Variants in REEP3 observed in about 807,000 individuals in gnomAD.
REEP3 encodes the protein receptor expression-enhancing protein 3.
In REEP3, 20 loss-of-function variants were observed where a neutral mutation model predicts 41.3. The observed-to-expected ratio is 0.48, with a 90% CI of 0.34 to 0.70. The LOEUF (loss-of-function observed/expected upper bound fraction) is 0.70. Ranked by LOEUF, REEP3 falls within the 30% of genes least tolerant of loss-of-function variation. The pLI is 0.01. For missense variants in REEP3, 271 were observed against 308.8 expected, an observed-to-expected ratio of 0.88 and a Z score of 0.92; for synonymous variants, 104 against 101.8, an observed-to-expected ratio of 1.02 and a Z score of -0.13.
At chr10:63,555,519 A>AG (rs1353168989) in intron 1 of REEP3, among the ~76,000 whole-genome samples, 1 of 152,200 alleles carries the variant, frequency 6.6e-6, no homozygotes, top group African/African-American at 2.4e-5. Context: ...GAATATACAC[A>AG]GGTACCTTGG....
intron 1 of REEP3, among the ~76,000 whole-genome samples, chr10:63,542,898 G>T (rs748498294): frequency 6.6e-6 from 1 of 152,174 alleles, no homozygotes; most frequent in Non-Finnish European, 1.5e-5. Context: ...CTCTGGGCAC[G>T]TTCAAGGTAC....
At chr10:63,569,694 C>T (rs1262226363) in intron 2 of REEP3, among the ~76,000 whole-genome samples, 1 of 152,118 alleles carries the variant, frequency 6.6e-6, no homozygotes, top group East Asian at 1.9e-4. Flanking sequence ...GTAATCTCAA[C>T]ACTTTGGGAG....
At chr10:63,583,785 G>C (rs1238415565) in intron 2 of REEP3, among the ~76,000 whole-genome samples, 1 of 152,150 alleles carries the variant, frequency 6.6e-6, no homozygotes, top group Admixed American at 6.5e-5. Context: ...TCTTACAAAT[G>C]CTTATTATCC....
At chr10:63,590,736 A>AT (rs1956054249) in intron 2 of REEP3, among the ~76,000 whole-genome samples, 1 of 152,236 alleles carries the variant, frequency 6.6e-6, no homozygotes, top group African/African-American at 2.4e-5. Flanking sequence ...AATATTGGGT[A>AT]TAGCTTTCTC....
At chr10:63,528,158 T>C (rs536431816) in intron 1 of REEP3, among the ~76,000 whole-genome samples, 3 of 152,280 alleles carry the variant, frequency 2.0e-5, no homozygotes, top group African/African-American at 7.2e-5. Context: ...TCTGCTGAAC[T>C]CTGTGATCAT....
At chr10:63,616,236 T>C (rs1407505472) in intron 6 of REEP3, among the ~76,000 whole-genome samples, 2 of 152,194 alleles carry the variant, frequency 1.3e-5, no homozygotes, top group African/African-American at 4.8e-5. Context: ...CTACAAGGCC[T>C]TCTCTCATAA....
At chr10:63,570,948 C>T (rs150607158) in intron 2 of REEP3, among the ~76,000 whole-genome samples, 1 of 152,242 alleles carries the variant, frequency 6.6e-6, no homozygotes, top group East Asian at 1.9e-4. Context: ...AACCCCATCT[C>T]TACAAAAAAC....
At chr10:63,610,074 A>G (rs922422601) in intron 5 of REEP3, 113 bp from the exon 6 acceptor site, 35 of 886,090 alleles carry the variant, frequency 3.9e-5, no homozygotes, top group Non-Finnish European at 4.6e-5. Context: ...TTGGGTGTTC[A>G]TTGTACAATT....
At chr10:63,545,685 T>TTG (rs1955571724) in intron 1 of REEP3, among the ~76,000 whole-genome samples, 1 of 136,968 alleles carries the variant, frequency 7.3e-6, no homozygotes, top group Non-Finnish European at 1.6e-5. Context: ...CTTCTGTTTT[T>TTG]TTTTTTTTTT....
intron 1 of REEP3, among the ~76,000 whole-genome samples, chr10:63,532,083 T>C (rs1299670217): frequency 6.6e-6 from 1 of 152,360 alleles, no homozygotes; most frequent in South Asian, 2.1e-4. Context: ...AAGTATGACT[T>C]ACAAGTTATA....
At position 63,619,754 on chromosome 10, in the gene REEP3, G is replaced by A. The variant is rs368691919; in HGVS notation, c.665G>A (p.Arg222Lys). ...ATGTTAACACACAAAGGGCTTCGAA[G>A]ATCGCAAAGCATGAAATCTGTGAAA... The part of the protein sequence containing the change: ...NEMLTHKGLR[R>K]SQSMKSVKTT... Residue 222 changes from arginine (R) to lysine (K), a missense_variant, in exon 7 of 8, where the codon AGA becomes AAA. By Grantham distance (26) the Arg-to-Lys change is conservative. Transcript: ENST00000373758. 1 of 1,610,016 alleles carries A rather than the reference G, an allele frequency of 6.2e-7. No homozygotes were observed. The highest frequency in any genetic ancestry group is 1.1e-5 in the South Asian group (1 of 89,916).
intron 7 of REEP3, among the ~76,000 whole-genome samples, chr10:63,620,522 A>AT: frequency 6.6e-6 from 1 of 152,352 alleles, no homozygotes; most frequent in Non-Finnish European, 1.5e-5. Flanking sequence ...AGGACTGTGA[A>AT]TGGCCTCTGA....
intron 1 of REEP3, among the ~76,000 whole-genome samples, chr10:63,549,690 G>A (rs1331671920): frequency 6.6e-6 from 1 of 152,214 alleles, no homozygotes; most frequent in African/African-American, 2.4e-5. Context: ...TGTATGGTTA[G>A]CAATTCTGAA....
intron 6 of REEP3, among the ~76,000 whole-genome samples, chr10:63,611,829 C>G (rs113754754): frequency 0.048 from 7,115 of 148,710 alleles, 265 homozygotes; most frequent in African/African-American, 0.1. Context: ...ATTCACCGAG[C>G]TACTTGGGAG....
intron 1 of REEP3, among the ~76,000 whole-genome samples, chr10:63,556,263 G>A (rs544000974): frequency 2.4e-4 from 36 of 151,018 alleles, no homozygotes; most frequent in Admixed American, 3.9e-4. Context: ...TTACAGGCGC[G>A]GGCCACCATG....
At chr10:63,592,993 C>A (rs1956079186) in intron 2 of REEP3, among the ~76,000 whole-genome samples, 2 of 151,106 alleles carry the variant, frequency 1.3e-5, no homozygotes, top group African/African-American at 4.9e-5. Context: ...TGAACTCATA[C>A]AAGAGCATCA....
intron 1 of REEP3, among the ~76,000 whole-genome samples, chr10:63,544,775 G>C (rs1955561834): frequency 6.6e-6 from 1 of 152,062 alleles, no homozygotes; most frequent in South Asian, 2.1e-4. Context: ...TTTCTAGTAT[G>C]GATAATATGT....
intron 2 of REEP3, among the ~76,000 whole-genome samples, chr10:63,574,478 AAGT>A (rs1955880169): frequency 6.6e-6 from 1 of 152,330 alleles, no homozygotes; most frequent in East Asian, 1.9e-4. Flanking sequence ...TCTAATCAGT[AAGT>A]AGTAGTAAAT....
intron 2 of REEP3, among the ~76,000 whole-genome samples, chr10:63,570,983 T>C (rs532664000): frequency 6.6e-6 from 1 of 152,144 alleles, no homozygotes; most frequent in East Asian, 1.9e-4. Flanking sequence ...GGCATGGTGG[T>C]GTGTGCCTGT....
Sources: allele counts gnomAD v4.1 joint callset (sites outside exome capture counted in the v4.1 genomes callset), GRCh38; gene constraint gnomAD v4.1.1; transcripts MANE v1.5; gene names NCBI Gene and HGNC (gene_info 2026-07-23, HGNC 2026-07-21).